The following DCLK1 variants were observed in gnomAD, a reference collection of about 807,000 sequenced individuals.
The protein encoded by DCLK1 is doublecortin like kinase 1.
In DCLK1, 16 loss-of-function variants were observed where a neutral mutation model predicts 86.2. The observed-to-expected ratio is 0.19, with a 90% CI of 0.13 to 0.28. The LOEUF is 0.28. Among genes scored for constraint, DCLK1 ranks in the 10% least tolerant of loss-of-function variants. DCLK1 has a pLI of 1.00. For synonymous variants in DCLK1, 369 were observed against 370.5 expected, an observed-to-expected ratio of 1.00 and a Z score of 0.05; for missense variants, 590 against 940.2, an observed-to-expected ratio of 0.63 and a Z score of 4.87.
chr13:35,896,237 GTC>G (rs1331419152), intron 4 of DCLK1, among the ~76,000 whole-genome samples: 1 of 152,056 alleles, frequency 6.6e-6, no homozygotes, highest in Non-Finnish European at 1.5e-5. Flanking sequence ...AGTAAGTGAG[GTC>G]TCTAAAATAT....
intron 4 of DCLK1, among the ~76,000 whole-genome samples, chr13:35,901,817 C>A (rs1874383747): frequency 6.6e-6 from 1 of 152,088 alleles, no homozygotes; most frequent in Non-Finnish European, 1.5e-5. Context: ...TCACTGCCAA[C>A]CACGACTTCC....
chr13:36,104,650 G>C (rs1885329074), intron 3 of DCLK1, among the ~76,000 whole-genome samples: 1 of 151,964 alleles, frequency 6.6e-6, no homozygotes, highest in Admixed American at 6.6e-5. Flanking sequence ...GCCAGGCACA[G>C]AGAAGGTATT....
intron 15 of DCLK1, among the ~76,000 whole-genome samples, chr13:35,794,170 C>T (rs1226346768): frequency 6.6e-6 from 1 of 152,220 alleles, no homozygotes; most frequent in Admixed American, 6.5e-5. Flanking sequence ...GTTAGAATCA[C>T]AATAACCAGG....
rs1047544803 is a variant in DCLK1 at position 35,768,858 on chromosome 13, A to G, written c.*5677T>C. On this transcript the variant is annotated 3_prime_UTR_variant, in exon 17 of 17. Transcript: ENST00000360631. ...CATAGAGAGAATTCCCCCTAAGAAC[A>G]CAGCTGGGCTATTCCTTCGTGAACT... 1.3e-5 allele frequency: 2 copies of G among 152,220 alleles called. No homozygotes were observed. Among genetic ancestry groups the G allele is most frequent in the African/African-American group, 4.8e-5 (2 of 41,456 alleles). 9.4% of individuals were successfully genotyped at this position (152,220 alleles called of 1,614,324 possible).
chr13:35,939,024 A>G (rs559553482), intron 4 of DCLK1, among the ~76,000 whole-genome samples: 4 of 152,254 alleles, frequency 2.6e-5, no homozygotes, highest in African/African-American at 9.6e-5. Flanking sequence ...AAGGTGCAGT[A>G]CTCTATATGT....
At position 35,994,718 on chromosome 13, in the gene DCLK1, T is replaced by A. The variant is rs1336845092; in HGVS notation, c.724-47261A>T. Among the ~76,000 whole-genome samples the A allele has an allele frequency of 2.0e-5, 3 of 152,350 alleles. No individual in the cohort carries two copies. In the South Asian group the frequency reaches 6.2e-4, roughly 32 times the overall value. On this transcript the variant is annotated intron_variant, in intron 3 of 16. Transcript: ENST00000360631. The stretch of plus-strand genomic sequence containing the variant: ...GACAAATGTGGCATGATTTTGGCAG[T>A]GCTCGGGCTCTGATTCAGTCTTCAA...
intron 8 of DCLK1, among the ~76,000 whole-genome samples, chr13:35,829,446 G>A (rs1028026254): frequency 2.0e-5 from 3 of 152,040 alleles, no homozygotes; most frequent in African/African-American, 7.2e-5. Context: ...ATAGTAATGA[G>A]GTTAATTAAG....
chr13:35,791,231 G>A (rs1461678384), intron 16 of DCLK1, among the ~76,000 whole-genome samples: 1 of 150,676 alleles, frequency 6.6e-6, no homozygotes, highest in East Asian at 1.9e-4. Flanking sequence ...ACAGTTTTCT[G>A]AAACCAGCCA....
At chr13:36,099,799 T>G (rs1885136758) in intron 3 of DCLK1, among the ~76,000 whole-genome samples, 2 of 152,126 alleles carry the variant, frequency 1.3e-5, no homozygotes, top group African/African-American at 4.8e-5. Flanking sequence ...CAGGTCTTTG[T>G]TTTTTATGGT....
At chr13:35,822,021 A>AT (rs144151981) in intron 11 of DCLK1, among the ~76,000 whole-genome samples, 2,333 of 151,644 alleles carry the variant, frequency 0.015, 35 homozygotes, top group Admixed American at 0.04. Context: ...ACCAATTATA[A>AT]TTTTTTTTTC....
At chr13:35,880,729 T>G (rs565903862) in intron 4 of DCLK1, among the ~76,000 whole-genome samples, 83 of 152,324 alleles carry the variant, frequency 5.4e-4, no homozygotes, top group Non-Finnish European at 7.2e-4. Flanking sequence ...ATCTGTTTTT[T>G]CTCTGCCATG....
rs575283433 is a variant in DCLK1 at position 35,945,365 on chromosome 13, C to T, written c.823+1993G>A. The stretch of plus-strand genomic sequence containing the variant: ...TAGCTGCGGCATCCTGGGTGGAGAG[C>T]GCATTGGCTGTTGCGGAGGGGAAGC... On this transcript the variant is annotated intron_variant, in intron 4 of 16. Transcript: ENST00000360631. Among the ~76,000 whole-genome samples the T allele has an allele frequency of 1.8e-4, 28 of 152,216 alleles. 1 individual carries two copies. The South Asian group carries it at 5.2e-3, about 28-fold the overall frequency.
chr13:35,778,998 G>A (rs2086475978), intron 16 of DCLK1, among the ~76,000 whole-genome samples: 1 of 151,524 alleles, frequency 6.6e-6, no homozygotes, highest in Non-Finnish European at 1.5e-5. Flanking sequence ...TTCTCTCTCT[G>A]CCCACTCAAA....
In DCLK1 at chr13:36,045,332, GTATATATATATATATATATATA is replaced by G. The variant is rs1174545505; in HGVS notation, c.723+66515_723+66536del. 1.3e-3 allele frequency among the ~76,000 whole-genome samples: 75 copies of G among 55,780 alleles called. 1 individual carries two copies. In the Middle Eastern group the frequency reaches 0.042, roughly 31 times the overall value. The allele number at this position is 55,780 out of a possible 152,430, so 36.6% of individuals were successfully genotyped here. ...TATGTCTATATATGTGTGTGTGTGT[GTATATATATATATATATATATA>G]TATATATATATATATATATATATTT... is the stretch of plus-strand genomic sequence containing the variant. On this transcript the variant is annotated intron_variant, in intron 3 of 16. Transcript: ENST00000360631.
intron 3 of DCLK1, among the ~76,000 whole-genome samples, chr13:36,098,252 C>T (rs772686832): frequency 9.9e-5 from 15 of 152,180 alleles, no homozygotes; most frequent in African/African-American, 1.7e-4. Context: ...GCAATCTTCA[C>T]GTAAACTGGA....
intron 4 of DCLK1, among the ~76,000 whole-genome samples, chr13:35,910,245 C>T (rs1874935041): frequency 1.3e-5 from 2 of 152,168 alleles, no homozygotes; most frequent in Non-Finnish European, 2.9e-5. Flanking sequence ...GAACAGTCAA[C>T]ACAATGACAA....
At chr13:35,962,726 T>A (rs17053258) in intron 3 of DCLK1, among the ~76,000 whole-genome samples, 6,199 of 152,264 alleles carry the variant, frequency 0.041, 180 homozygotes, top group African/African-American at 0.078. Context: ...AGAGGAAAAC[T>A]CTAAAGCATA....
At chr13:35,923,823 G>T (rs1261612953) in intron 4 of DCLK1, among the ~76,000 whole-genome samples, 4 of 152,076 alleles carry the variant, frequency 2.6e-5, no homozygotes, top group Admixed American at 1.3e-4. Flanking sequence ...GAAACCCTGG[G>T]GGTCTGTTAG....
intron 3 of DCLK1, among the ~76,000 whole-genome samples, chr13:36,047,728 G>T (rs903999442): frequency 6.6e-6 from 1 of 151,884 alleles, no homozygotes; most frequent in Non-Finnish European, 1.5e-5. Flanking sequence ...CAAAATTTCA[G>T]TTAGGACAGA....
Sources: allele counts gnomAD v4.1 joint callset (sites outside exome capture counted in the v4.1 genomes callset), GRCh38; gene constraint gnomAD v4.1.1; transcripts MANE v1.5; gene names NCBI Gene and HGNC (gene_info 2026-07-23, HGNC 2026-07-21).